Variants in CCNT2 observed in about 807,000 individuals in gnomAD.
The protein encoded by CCNT2 is cyclin-T2.
Under a neutral mutation model 70.0 loss-of-function variants are expected in CCNT2, and 18 were observed. The observed-to-expected ratio is 0.26, with a 90% CI of 0.18 to 0.38. The LOEUF is 0.38. Ranked by LOEUF, CCNT2 falls within the 10% of genes least tolerant of loss-of-function variation. The pLI is 1.00. For missense variants in CCNT2, 734 were observed against 890.2 expected, an observed-to-expected ratio of 0.82 and a Z score of 2.23; for synonymous variants, 334 against 313.3, an observed-to-expected ratio of 1.07 and a Z score of -0.70.
At chr2:134,931,089 A>G (rs545757632) in intron 2 of CCNT2, among the ~76,000 whole-genome samples, 7 of 151,356 alleles carry the variant, frequency 4.6e-5, no homozygotes, top group Admixed American at 2.0e-4. Flanking sequence ...CAGCCTCCCA[A>G]GTAGCTGGGA....
intron 2 of CCNT2, among the ~76,000 whole-genome samples, chr2:134,927,127 T>C (rs190928720): frequency 6.6e-6 from 1 of 152,310 alleles, no homozygotes; most frequent in African/African-American, 2.4e-5. Context: ...AAAGAATATA[T>C]GATATTTTTG....
In CCNT2 at chr2:134,947,773, A is replaced by G; in HGVS notation, c.577A>G (p.Thr193Ala). Residue 193 changes from threonine to alanine, a missense_variant, in exon 7 of 9, where the codon ACA becomes GCA. Around this residue, in one of 3 missense-constraint regions of CCNT2, gnomAD observed 161 missense variants for 303.8 expected, o/e 0.53. Transcript: ENST00000264157. ...AACCTTCTGTCTTCAGTACAAACCAACAGTGATAGCATGTGTATGCATTCA... is the reference window on the plus strand; with the variant it reads ...AACCTTCTGTCTTCAGTACAAACCAGCAGTGATAGCATGTGTATGCATTCA... ...LTTFCLQYKP[T>A]VIACVCIHLA... 2 of 1,536,724 alleles carry G rather than the reference A, an allele frequency of 1.3e-6. No homozygotes were observed. The highest frequency in any genetic ancestry group is 1.8e-6 in the Non-Finnish European group (2 of 1,126,052).
chr2:134,929,211 A>AAC (rs1680535511), intron 2 of CCNT2, among the ~76,000 whole-genome samples: 1 of 152,246 alleles, frequency 6.6e-6, no homozygotes, highest in East Asian at 1.9e-4. Context: ...TGATAAAGTT[A>AAC]CACATGGTTA....
rs760379668 is a variant in CCNT2 at position 134,940,846 on chromosome 2, CA to C, written c.431-1758del. 2.6e-5 allele frequency among the ~76,000 whole-genome samples: 4 copies of C among 151,878 alleles called. No homozygotes were observed. In the East Asian group the frequency reaches 7.7e-4, roughly 29 times the overall value. ...GAAGCAGATGAAAGTTGTGATGTTA[CA>C]AAAAAAAGTTGAATTGTTTGATATG... On this transcript the variant is annotated intron_variant, in intron 4 of 8. Transcript: ENST00000264157.
chr2:134,927,383 C>T (rs548644589), intron 2 of CCNT2, among the ~76,000 whole-genome samples: 4 of 151,916 alleles, frequency 2.6e-5, no homozygotes, highest in African/African-American at 7.2e-5. Context: ...TATATTTTAG[C>T]CTTGGTAATT....
At position 134,959,252 on chromosome 2, in the gene CCNT2, C is replaced by T. The variant is rs1683079912; in HGVS notation, c.*4604C>T. 1 of 152,032 alleles carries T rather than the reference C, an allele frequency of 6.6e-6. No homozygotes were observed. Among genetic ancestry groups the T allele is most frequent in the South Asian group, 2.1e-4 (1 of 4,804 alleles). The allele number at this position is 152,032 out of a possible 1,614,324, so 9.4% of individuals were successfully genotyped here. ...ATGTTTGCTAATAGAAAATCTAAAA[C>T]AGGAATATGTGTATATGGCATGAAT... On this transcript the variant is annotated 3_prime_UTR_variant, in exon 9 of 9. Coordinates refer to ENST00000264157, the MANE Select transcript of CCNT2 (RefSeq NM_058241.3).
intron 5 of CCNT2, chr2:134,944,290 A>G: frequency 1.0e-6 from 1 of 983,368 alleles, no homozygotes; most frequent in Non-Finnish European, 1.2e-6. Context: ...AAACTTTGTA[A>G]GCATTGTAGC....
intron 6 of CCNT2, among the ~76,000 whole-genome samples, chr2:134,946,747 T>C (rs962499871): frequency 5.3e-5 from 8 of 151,798 alleles, no homozygotes; most frequent in African/African-American, 1.9e-4. Context: ...AAATGGTATG[T>C]GTTTATGGCT....
chr2:134,952,840 A>G, intron 8 of CCNT2, 129 bp downstream of exon 8: 1 of 655,436 alleles, frequency 1.5e-6, no homozygotes, highest in South Asian at 2.0e-5. Context: ...ATCTCAAGTT[A>G]CATATACTCA....
chr2:134,941,697 G>T (rs1314054184), intron 4 of CCNT2, among the ~76,000 whole-genome samples: 1 of 152,040 alleles, frequency 6.6e-6, no homozygotes, highest in Non-Finnish European at 1.5e-5. Context: ...AATTGAAAAT[G>T]AAAAATCATA....
In CCNT2 at chr2:134,954,214, A is replaced by G; in HGVS notation, c.1759A>G (p.Ser587Gly). ...GCATAGTGGCAGCAGCAGCGGTGGC[A>G]GTAAACACAGTGCCGACGGAATACC... ...HSHSGSSSGGSKHSADGIPPT... is the reference protein window; with the variant it reads ...HSHSGSSSGGGKHSADGIPPT... Residue 587 changes from serine (S) to glycine (G), a missense_variant, in exon 9 of 9, where the codon AGT becomes GGT. By Grantham distance (56) the Ser-to-Gly change is moderately conservative. This residue lies in a region of CCNT2 where 532 missense variants were observed against 556.9 expected (regional missense o/e 0.96). Transcript: ENST00000264157. 1 of 1,614,178 alleles carries G rather than the reference A, an allele frequency of 6.2e-7. No individual in the cohort carries two copies. Among genetic ancestry groups the G allele is most frequent in the Non-Finnish European group, 8.5e-7 (1 of 1,180,034 alleles).
intron 2 of CCNT2, among the ~76,000 whole-genome samples, chr2:134,920,969 A>G (rs1679854534): frequency 6.6e-6 from 1 of 152,232 alleles, no homozygotes; most frequent in South Asian, 2.1e-4. Flanking sequence ...TTTAATATAC[A>G]TTTTGATCTC....
intron 5 of CCNT2, chr2:134,943,437 G>A (rs182344569): frequency 2.0e-6 from 2 of 984,776 alleles, no homozygotes; most frequent in East Asian, 2.3e-4. Context: ...GGAGTGTTTT[G>A]CCCATATTCA....
intron 5 of CCNT2, chr2:134,944,080 G>A (rs1364929438): frequency 1.0e-6 from 1 of 984,606 alleles, no homozygotes; most frequent in Non-Finnish European, 1.2e-6. Flanking sequence ...GTATTTTTTT[G>A]TAGTAGCACA....
At chr2:134,929,972 A>T (rs1047084999) in intron 2 of CCNT2, among the ~76,000 whole-genome samples, 1 of 151,364 alleles carries the variant, frequency 6.6e-6, no homozygotes, top group African/African-American at 2.4e-5. Flanking sequence ...CTTTAACGTT[A>T]GCTCCTTAAA....
intron 7 of CCNT2, among the ~76,000 whole-genome samples, chr2:134,950,339 C>G (rs543739956): frequency 8.6e-5 from 13 of 151,990 alleles, no homozygotes; most frequent in African/African-American, 3.1e-4. Context: ...TTTGCAGCAG[C>G]TTTTTTTTCT....
intron 2 of CCNT2, among the ~76,000 whole-genome samples, chr2:134,933,723 C>T (rs942697594): frequency 2.6e-5 from 4 of 152,130 alleles, no homozygotes; most frequent in Non-Finnish European, 5.9e-5. Context: ...TTAAAAAATA[C>T]ACTTGTTAAA....
At chr2:134,921,538 G>A (rs1469669086) in intron 2 of CCNT2, among the ~76,000 whole-genome samples, 1 of 152,084 alleles carries the variant, frequency 6.6e-6, no homozygotes, top group African/African-American at 2.4e-5. Context: ...ATTTTTAGTA[G>A]AGAGGGGGTT....
chr2:134,931,430 C>T (rs1425432575), intron 2 of CCNT2, among the ~76,000 whole-genome samples: 16 of 151,946 alleles, frequency 1.1e-4, no homozygotes, highest in South Asian at 1.0e-3. Flanking sequence ...ATTCCATCCC[C>T]TTATGCAGAC....
Sources: gnomAD v4.1 joint callset for allele counts (sites outside exome capture counted in the v4.1 genomes callset) on GRCh38, gnomAD v4.1.1 for gene constraint, gnomAD v4.1.1 regional missense constraint, MANE v1.5 for transcripts, NCBI Gene and HGNC (gene_info 2026-07-23, HGNC 2026-07-21) for gene names.